The following MACROD2 variants were observed in gnomAD, a reference collection of about 807,000 sequenced individuals.
MACROD2 encodes mono-ADP ribosylhydrolase 2.
MACROD2 carries 36 observed loss-of-function variants against 70.4 expected under a neutral mutation model. That is an observed-to-expected ratio of 0.51 (90% CI 0.39 to 0.68). The LOEUF (loss-of-function observed/expected upper bound fraction) is 0.68. Among genes scored for constraint, MACROD2 ranks in the 30% least tolerant of loss-of-function variants. The pLI is 0.00. For synonymous variants in MACROD2, 172 were observed against 178.8 expected (o/e 0.96, Z 0.30); for missense variants, 496 against 538.4 (o/e 0.92, Z 0.78).
intron 8 of MACROD2, 58 bp downstream of exon 8, chr20:15,499,905 C>A (rs925347001): frequency 3.5e-6 from 5 of 1,427,156 alleles, no homozygotes; most frequent in Middle Eastern, 1.9e-4. Context: ...ATGCTCAGTT[C>A]CCCCCAAAAA....
At chr20:15,309,790 A>C (rs368299261) in intron 6 of MACROD2, among the ~76,000 whole-genome samples, 2 of 152,312 alleles carry the variant, frequency 1.3e-5, no homozygotes, top group South Asian at 2.1e-4. Context: ...AAATAAGAGA[A>C]GGCTTCAAAG....
At chr20:15,733,830 A>C (rs1353216064) in intron 8 of MACROD2, among the ~76,000 whole-genome samples, 2 of 152,164 alleles carry the variant, frequency 1.3e-5, no homozygotes, top group Non-Finnish European at 2.9e-5. Context: ...TCCTCACTTG[A>C]ATTCAACTTC....
At chr20:14,501,300 G>T (rs2084912166) in intron 4 of MACROD2, among the ~76,000 whole-genome samples, 1 of 151,962 alleles carries the variant, frequency 6.6e-6, no homozygotes, top group Non-Finnish European at 1.5e-5. Context: ...AAAGCCTATT[G>T]TTTCATTCAT....
chr20:14,072,347 A>G (rs1171231327), intron 2 of MACROD2, among the ~76,000 whole-genome samples: 1 of 151,866 alleles, frequency 6.6e-6, no homozygotes, highest in Non-Finnish European at 1.5e-5. Context: ...TCACAGATGG[A>G]CTCTTTGAAC....
In MACROD2 at chr20:15,369,641, G is replaced by T. The variant is rs575252577; in HGVS notation, c.541-61764G>T. On this transcript the variant is annotated intron_variant, in intron 6 of 17. Coordinates refer to ENST00000684519, the MANE Select transcript of MACROD2 (RefSeq NM_001351661.2). ...ATAGCTACAAAACCCTTGGTAGATG[G>T]TATCTATAAATAGAAGTGTCTAACG... Among the ~76,000 whole-genome samples the T allele has an allele frequency of 6.6e-5, 10 of 152,250 alleles. No individual in the cohort carries two copies. In the East Asian group the frequency reaches 1.9e-3, roughly 29 times the overall value.
At chr20:14,119,636 G>A (rs1489847469) in intron 3 of MACROD2, among the ~76,000 whole-genome samples, 1 of 152,202 alleles carries the variant, frequency 6.6e-6, no homozygotes, top group African/African-American at 2.4e-5. Flanking sequence ...CCTACTGTCT[G>A]CTAGCTCTGC....
At chr20:14,481,401 A>G (rs2084661808) in intron 3 of MACROD2, among the ~76,000 whole-genome samples, 1 of 152,198 alleles carries the variant, frequency 6.6e-6, no homozygotes, top group African/African-American at 2.4e-5. Flanking sequence ...ATGATCTCTT[A>G]TAGATAATTC....
At chr20:14,495,893 A>G (rs1189557330) in intron 4 of MACROD2, among the ~76,000 whole-genome samples, 4 of 152,214 alleles carry the variant, frequency 2.6e-5, no homozygotes, top group African/African-American at 4.8e-5. Context: ...AAGATAAATT[A>G]CAAGTATTTA....
At chr20:14,494,232 C>T (rs1193964940) in intron 4 of MACROD2, 1 of 151,938 alleles carries the variant, frequency 6.6e-6, no homozygotes, top group African/African-American at 2.4e-5. Context: ...CCCAGATGGA[C>T]ATAACTAGGT....
At chr20:15,547,855 C>G (rs2048044869) in intron 8 of MACROD2, among the ~76,000 whole-genome samples, 1 of 152,124 alleles carries the variant, frequency 6.6e-6, no homozygotes, top group Admixed American at 6.5e-5. Flanking sequence ...CTTTCTCATG[C>G]CTATTAAGCG....
intron 5 of MACROD2, among the ~76,000 whole-genome samples, chr20:14,718,701 A>G (rs1048796696): frequency 6.6e-6 from 1 of 152,170 alleles, no homozygotes; most frequent in Non-Finnish European, 1.5e-5. Context: ...TTGATGCTCA[A>G]GTTCCTGAGA....
chr20:14,354,448 A>G (rs896267116), intron 3 of MACROD2, among the ~76,000 whole-genome samples: 3 of 152,026 alleles, frequency 2.0e-5, no homozygotes, highest in Admixed American at 6.6e-5. Context: ...TCTATTTCTT[A>G]TTGAATTTTA....
chr20:15,598,663 G>C (rs2048777394), intron 8 of MACROD2, among the ~76,000 whole-genome samples: 1 of 152,214 alleles, frequency 6.6e-6, no homozygotes, highest in Non-Finnish European at 1.5e-5. Context: ...TCAGAGGGAA[G>C]ATAAGCTCAA....
rs144293403 is a variant in MACROD2 at position 15,381,623 on chromosome 20, G to A, written c.541-49782G>A. ...TGAGGCTGCAGTGAGCCATGATTGC[G>A]CCACTGAACTCCAGCCTGGGTGACA... On this transcript the variant is annotated intron_variant, in intron 6 of 17. Coordinates refer to ENST00000684519, the MANE Select transcript of MACROD2 (RefSeq NM_001351661.2). Among the ~76,000 whole-genome samples, 1,257 of 152,196 alleles carry A rather than the reference G, an allele frequency of 8.3e-3. 16 individuals are homozygous for A. The highest frequency in any genetic ancestry group is 0.029 in the African/African-American group (1,195 of 41,526).
At chr20:14,747,188 G>A (rs1456700135) in intron 5 of MACROD2, among the ~76,000 whole-genome samples, 2 of 152,132 alleles carry the variant, frequency 1.3e-5, no homozygotes, top group Non-Finnish European at 2.9e-5. Flanking sequence ...CCTGTCAGTA[G>A]GAGTGAGAAC....
At chr20:14,768,156 T>G (rs1046465916) in intron 5 of MACROD2, among the ~76,000 whole-genome samples, 9 of 152,116 alleles carry the variant, frequency 5.9e-5, no homozygotes. Flanking sequence ...ATATACCCAG[T>G]AATGGGATGG....
chr20:15,842,207 T>A (rs2147132497), intron 8 of MACROD2, among the ~76,000 whole-genome samples: 1 of 152,232 alleles, frequency 6.6e-6, no homozygotes, highest in East Asian at 1.9e-4. Flanking sequence ...AGGGTAGGCT[T>A]TGTGACTTCC....
chr20:14,075,421 T>A (rs1178041696), intron 2 of MACROD2, among the ~76,000 whole-genome samples: 2 of 152,126 alleles, frequency 1.3e-5, no homozygotes, highest in Non-Finnish European at 2.9e-5. Context: ...CCACGAAGGG[T>A]CTTGGAACAT....
intron 5 of MACROD2, among the ~76,000 whole-genome samples, chr20:15,012,811 C>G (rs952865735): frequency 6.6e-6 from 1 of 152,142 alleles, no homozygotes; most frequent in African/African-American, 2.4e-5. Context: ...GGAGCTCAGC[C>G]GTCCCAGTCT....
Sources: allele counts gnomAD v4.1 joint callset (sites outside exome capture counted in the v4.1 genomes callset), GRCh38; gene constraint gnomAD v4.1.1; transcripts MANE v1.5; gene names NCBI Gene and HGNC (gene_info 2026-07-23, HGNC 2026-07-21).